Variants in TNRC18 observed in about 807,000 individuals in gnomAD.
TNRC18 encodes the protein trinucleotide repeat containing 18.
TNRC18 carries 69 observed loss-of-function variants against 226.7 expected under a neutral mutation model. The ratio of observed to expected loss-of-function variants is 0.30; its 90% confidence interval spans 0.25 to 0.37. The LOEUF (loss-of-function observed/expected upper bound fraction) is 0.37. Among genes scored for constraint, TNRC18 ranks in the 10% least tolerant of loss-of-function variants. The probability of loss-of-function intolerance (pLI) is 1.00; values close to 1 mark genes in which losing one functional copy is unlikely to be tolerated. For synonymous variants in TNRC18, 2,449 were observed against 1,927.6 expected, an observed-to-expected ratio of 1.27 and a Z score of -7.09; for missense variants, 4,754 against 4,256.6, an observed-to-expected ratio of 1.12 and a Z score of -3.25.
rs141206786 is a variant in TNRC18 at position 5,405,661 on chromosome 7, T to C, written c.188-11066A>G. On this transcript the variant is annotated intron_variant, in intron 2 of 29. Transcript: ENST00000430969. ...GGGAGGTTGAGACAGGAGAATCACG[T>C]GAACCCAGGAGGGGGAGGTTGCAAT... Among the ~76,000 whole-genome samples the C allele has an allele frequency of 4.6e-3, 704 of 152,268 alleles. 17 individuals carry two copies. The East Asian group carries it at 0.07, about 15-fold the overall frequency.
chr7:5,359,344 C>A (rs765559199), intron 15 of TNRC18, 54 bp downstream of exon 15: 44 of 1,590,520 alleles, frequency 2.8e-5, no homozygotes, highest in Non-Finnish European at 3.7e-5. Flanking sequence ...CTTAACACAC[C>A]CTCCAGACAC....
chr7:5,333,106 ACC>A, intron 18 of TNRC18, 57 bp from the exon 19 acceptor site: 1 of 1,518,684 alleles, frequency 6.6e-7, no homozygotes, highest in East Asian at 2.5e-5. Flanking sequence ...CTTCCCTCCC[ACC>A]CAGCCACATG....
chr7:5,331,146 T>A (rs1391460475), intron 19 of TNRC18, among the ~76,000 whole-genome samples: 1 of 152,158 alleles, frequency 6.6e-6, no homozygotes, highest in Non-Finnish European at 1.5e-5. Context: ...TCAATGTGAC[T>A]CTCATCTTTT....
At chr7:5,365,135 A>G (rs901796817) in intron 11 of TNRC18, among the ~76,000 whole-genome samples, 1 of 152,076 alleles carries the variant, frequency 6.6e-6, no homozygotes, top group African/African-American at 2.4e-5. Flanking sequence ...TCTTTTCAAG[A>G]TAGGGTCTCA....
At chr7:5,366,755 G>A (rs1444673556) in intron 11 of TNRC18, among the ~76,000 whole-genome samples, 2 of 152,182 alleles carry the variant, frequency 1.3e-5, no homozygotes, top group Non-Finnish European at 2.9e-5. Flanking sequence ...AGACTTAAGA[G>A]TCTACAATGT....
rs28366946 is a variant in TNRC18 at position 5,382,062 on chromosome 7, A to C, written c.2153-4038T>G. On this transcript the variant is annotated intron_variant, in intron 5 of 29. Coordinates refer to ENST00000430969, the MANE Select transcript of TNRC18 (RefSeq NM_001080495.3). The stretch of plus-strand genomic sequence containing the variant: ...CCTGTGCCCAGCAGGGCCCCAGGCC[A>C]CTTTGCAAACATGAACTCATTCAAT... Among the ~76,000 whole-genome samples, 749 of 152,280 alleles carry C rather than the reference A, an allele frequency of 4.9e-3. 8 individuals are homozygous for C. Among genetic ancestry groups the C allele is most frequent in the African/African-American group, 0.017 (709 of 41,552 alleles).
Position 5,388,815 on chromosome 7 carries a change from G to T in TNRC18, c.1009C>A (p.Pro337Thr). The change falls in exon 5 of 30, where the codon CCG becomes ACG. Residue 337 changes from proline to threonine, a missense_variant. Transcript: ENST00000430969. ...GGCCCCTTGGGGGGCGCGGGCGGCG[G>T]GGGCAGCGGTGAGGGGCAGGGGCGC... Reference protein sequence around the residue: ...GPRPCPSPLPPPPAPPKGPPA... With the variant: ...GPRPCPSPLPTPPAPPKGPPA... The T allele has an allele frequency of 8.4e-6, 10 of 1,185,682 alleles. No individual in the cohort carries two copies. Among genetic ancestry groups the T allele is most frequent in the Non-Finnish European group, 1.0e-5 (10 of 957,700 alleles). 73.4% of individuals were successfully genotyped at this position (1,185,682 alleles called of 1,614,324 possible).
At chr7:5,386,708 C>T (rs532883202) in intron 5 of TNRC18, among the ~76,000 whole-genome samples, 17 of 152,248 alleles carry the variant, frequency 1.1e-4, no homozygotes, top group African/African-American at 3.4e-4. Context: ...TATGATCACA[C>T]CACTGCACTC....
intron 14 of TNRC18, among the ~76,000 whole-genome samples, chr7:5,360,672 G>A (rs752172748): frequency 6.6e-6 from 1 of 152,196 alleles, no homozygotes. Flanking sequence ...CCACCACGCT[G>A]CTGGTGGCCG....
intron 18 of TNRC18, 45 bp downstream of exon 18, chr7:5,345,517 G>GGGGGGGGGGGCGCCCC: frequency 2.6e-6 from 1 of 377,744 alleles, no homozygotes; most frequent in Non-Finnish European, 4.8e-6. Context: ...AATGGCGTCC[G>GGGGGGGGGGGCGCCCC]CCCCTCCCAC....
intron 24 of TNRC18, among the ~76,000 whole-genome samples, chr7:5,317,715 T>C (rs2128109657): frequency 6.6e-6 from 1 of 151,822 alleles, no homozygotes; most frequent in East Asian, 1.9e-4. Flanking sequence ...CTTAAGGTTT[T>C]TTTTTTTTTT....
rs527830266 is a variant in TNRC18 at position 5,337,749 on chromosome 7, C to A, written c.5720-4700G>T. Among the ~76,000 whole-genome samples the A allele has an allele frequency of 2.0e-5, 3 of 152,246 alleles. No individual in the cohort carries two copies. The South Asian group carries it at 6.2e-4, about 32-fold the overall frequency. ...CCTGTAATCCCAGCACTTTAGGAGG[C>A]TGAGGCGGGTGGATCATGAGCTCAG... On this transcript the variant is annotated intron_variant, in intron 18 of 29. Coordinates refer to ENST00000430969, the MANE Select transcript of TNRC18 (RefSeq NM_001080495.3).
In TNRC18 at chr7:5,389,461, G is replaced by GTTTTTTTGTTTTTTTTGTTTTT. The variant is rs1554297477; in HGVS notation, c.488-126_488-125insAAAAACAAAAAAAACAAAAAAA. ...TGCCTCCCCCAGTGTTTTGGTTTTGGTTTTTTTTTTCAGAAAGAGTCTCGC... is the reference window on the plus strand; with the variant it reads ...TGCCTCCCCCAGTGTTTTGGTTTTGGTTTTTTTGTTTTTTTTGTTTTTTTTTTTTTTTCAGAAAGAGTCTCGC... On this transcript the variant is annotated intron_variant, in intron 4 of 29. Coordinates refer to ENST00000430969, the MANE Select transcript of TNRC18 (RefSeq NM_001080495.3). The GTTTTTTTGTTTTTTTTGTTTTT allele has an allele frequency of 2.1e-4, 116 of 565,560 alleles. 2 individuals are homozygous for GTTTTTTTGTTTTTTTTGTTTTT. In the African/African-American group the frequency reaches 3.0e-3, roughly 14 times the overall value. The allele number at this position is 565,560 out of a possible 1,614,324, so 35.0% of individuals were successfully genotyped here.
At chr7:5,345,918 G>T (rs941823500) in intron 17 of TNRC18, 108 bp from the exon 18 acceptor site, 18 of 1,420,456 alleles carry the variant, frequency 1.3e-5, no homozygotes, top group Non-Finnish European at 1.3e-5. Flanking sequence ...TAGTCCCTCA[G>T]TCCTGAGCAG....
At chr7:5,362,559 G>T in intron 12 of TNRC18, 91 bp downstream of exon 12, 2 of 1,292,402 alleles carry the variant, frequency 1.5e-6, no homozygotes, top group Non-Finnish European at 1.0e-6. Context: ...GCCAAAGCCA[G>T]CCACGCCCCA....
In TNRC18 at chr7:5,312,293, TGAA is replaced by T. The variant is rs1261224317; in HGVS notation, c.8388+207_8388+209del. ...ACCAGAGGGCAGGACCACTCTGCTCTGAAGGACTCGGGCATCGGAGTCCGACAG... is the reference window on the plus strand; with the variant it reads ...ACCAGAGGGCAGGACCACTCTGCTCTGGACTCGGGCATCGGAGTCCGACAG... On this transcript the variant is annotated intron_variant, in intron 27 of 29. Coordinates refer to ENST00000430969, the MANE Select transcript of TNRC18 (RefSeq NM_001080495.3). The surrounding 1 kb of genome is among the most constrained non-coding windows in gnomAD (Gnocchi z 6.3). Among the ~76,000 whole-genome samples, 1 of 152,214 alleles carries T rather than the reference TGAA, an allele frequency of 6.6e-6. No homozygotes were observed. The highest frequency in any genetic ancestry group is 1.5e-5 in the Non-Finnish European group (1 of 68,032).
chr7:5,397,857 T>C (rs915928019), intron 2 of TNRC18, among the ~76,000 whole-genome samples: 5 of 152,110 alleles, frequency 3.3e-5, no homozygotes, highest in South Asian at 2.1e-4. Flanking sequence ...CATGCCTCTG[T>C]CTTCCCCGAG....
chr7:5,331,584 A>C (rs1286572519), intron 19 of TNRC18, among the ~76,000 whole-genome samples: 1 of 152,200 alleles, frequency 6.6e-6, no homozygotes, highest in Non-Finnish European at 1.5e-5. Context: ...GCAGCACACA[A>C]TAGTTACTCC....
chr7:5,377,316 G>GGGGGAGT lies in TNRC18; in HGVS notation c.2461+54_2461+55insACTCCCC. The GGGGGAGT allele has an allele frequency of 2.2e-6, 1 of 453,416 alleles. No homozygotes were observed. Among genetic ancestry groups the GGGGGAGT allele is most frequent in the Non-Finnish European group, 4.2e-6 (1 of 240,316 alleles). 28.1% of individuals were successfully genotyped at this position (453,416 alleles called of 1,614,324 possible). ...AGCCCTGAGCTCTTGTCCTGCACCC[G>GGGGGAGT]CCCCCTCCCACCCCTCCCTCAGAGA... On this transcript the variant is annotated intron_variant, in intron 7 of 29. Transcript: ENST00000430969. This position sits in a 1 kb window ranked among gnomAD's most constrained non-coding sequence, Gnocchi z 5.8.
Sources: allele counts gnomAD v4.1 joint callset (sites outside exome capture counted in the v4.1 genomes callset), GRCh38; gene constraint gnomAD v4.1.1; non-coding constraint Gnocchi (gnomAD v3.1); transcripts MANE v1.5; gene names NCBI Gene and HGNC (gene_info 2026-07-23, HGNC 2026-07-21).